The following DMRT1 variants were observed in gnomAD, a reference collection of about 807,000 sequenced individuals.
DMRT1 encodes doublesex- and mab-3-related transcription factor 1.
Under a neutral mutation model 32.3 loss-of-function variants are expected in DMRT1, and 7 were observed. The observed-to-expected ratio is 0.22, with a 90% CI of 0.12 to 0.41. DMRT1 has a LOEUF of 0.41. Ranked by LOEUF, DMRT1 falls within the 10% of genes least tolerant of loss-of-function variation. The pLI, the probability that DMRT1 is intolerant of heterozygous loss-of-function variation, is 1.00. For synonymous variants in DMRT1, 278 were observed against 206.1 expected (o/e 1.35, Z -2.99); for missense variants, 625 against 500.5 (o/e 1.25, Z -2.37).
intron 4 of DMRT1, among the ~76,000 whole-genome samples, chr9:917,667 T>C (rs2370220): frequency 0.76 from 115,984 of 152,136 alleles, 44,579 homozygotes; most frequent in South Asian, 0.91. Context: ...TCTAGAAGAA[T>C]TTACTCTGTG....
At chr9:862,285 C>T (rs982110169) in intron 2 of DMRT1, among the ~76,000 whole-genome samples, 9 of 152,160 alleles carry the variant, frequency 5.9e-5, no homozygotes, top group Admixed American at 2.0e-4. Flanking sequence ...AGACCACTCG[C>T]GGTCAGGAGC....
intron 3 of DMRT1, among the ~76,000 whole-genome samples, chr9:911,880 G>T (rs578245301): frequency 6.6e-6 from 1 of 152,298 alleles, no homozygotes. Context: ...TGAGCAAGTT[G>T]TCACGTGGAT....
chr9:894,568 T>A (rs1817279808), intron 3 of DMRT1: 19 of 315,354 alleles, frequency 6.0e-5, no homozygotes, highest in South Asian at 5.8e-4. Context: ...AGGTACCACC[T>A]CCTCCAGCTT....
At chr9:876,676 C>T (rs560816153) in intron 2 of DMRT1, among the ~76,000 whole-genome samples, 51 of 152,216 alleles carry the variant, frequency 3.4e-4, no homozygotes, top group African/African-American at 1.2e-3. Context: ...GGTCTATAGG[C>T]TCGTGCCACT....
At chr9:876,799 G>A (rs1210841129) in intron 2 of DMRT1, among the ~76,000 whole-genome samples, 3 of 152,164 alleles carry the variant, frequency 2.0e-5, no homozygotes, top group Non-Finnish European at 4.4e-5. Context: ...TTGAAGTGCT[G>A]AGATTACAGG....
chr9:961,603 T>A lies in DMRT1; in HGVS notation c.968-6382T>A, dbSNP rs571780190. 5.6e-4 allele frequency among the ~76,000 whole-genome samples: 85 copies of A among 152,346 alleles called. 1 individual carries two copies. The South Asian group carries it at 0.017, about 31-fold the overall frequency. Reference sequence around the variant, plus strand: ...AAGATTGAAAAAGGCAGAACTGATGTTAACAAAGGCCGTTCAAGTGAGGAA... The same window carrying A: ...AAGATTGAAAAAGGCAGAACTGATGATAACAAAGGCCGTTCAAGTGAGGAA... On this transcript the variant is annotated intron_variant, in intron 4 of 4. Coordinates refer to ENST00000382276, the MANE Select transcript of DMRT1 (RefSeq NM_021951.3).
At chr9:874,272 A>G (rs1341702882) in intron 2 of DMRT1, among the ~76,000 whole-genome samples, 2 of 152,180 alleles carry the variant, frequency 1.3e-5, no homozygotes, top group Non-Finnish European at 2.9e-5. Flanking sequence ...GTTTTGATTC[A>G]TGGATCAGAA....
intron 4 of DMRT1, among the ~76,000 whole-genome samples, chr9:926,461 C>T (rs1482889733): frequency 2.0e-5 from 3 of 152,084 alleles, no homozygotes; most frequent in African/African-American, 7.2e-5. Context: ...ACATATTCTA[C>T]TTGTTATTTT....
intron 3 of DMRT1, among the ~76,000 whole-genome samples, chr9:899,189 A>T (rs879411024): frequency 6.6e-6 from 1 of 152,198 alleles, no homozygotes; most frequent in Non-Finnish European, 1.5e-5. Context: ...AATATTTTAA[A>T]AAAGAAACAA....
intron 2 of DMRT1, among the ~76,000 whole-genome samples, chr9:890,776 G>A (rs766067483): frequency 1.1e-4 from 17 of 152,016 alleles, no homozygotes; most frequent in Non-Finnish European, 1.6e-4. Context: ...GTGCAGTGAC[G>A]CGATCTCTGC....
At chr9:892,237 T>A (rs1817179995) in intron 2 of DMRT1, among the ~76,000 whole-genome samples, 1 of 152,144 alleles carries the variant, frequency 6.6e-6, no homozygotes, top group Non-Finnish European at 1.5e-5. Context: ...TCTGTGACGT[T>A]GTATTCTCTG....
chr9:849,964 C>T (rs2002760), intron 2 of DMRT1, among the ~76,000 whole-genome samples: 104,449 of 151,770 alleles, frequency 0.69, 36,712 homozygotes, highest in Middle Eastern at 0.78. Context: ...GCTGGGATTA[C>T]AAGCATGCGC....
At chr9:847,183 T>C (rs910584893) in intron 2 of DMRT1, 40 bp downstream of exon 2, 1 of 1,602,270 alleles carries the variant, frequency 6.2e-7, no homozygotes, top group Non-Finnish European at 8.5e-7. Flanking sequence ...AGGCTGGGCA[T>C]GAGGGAGGCC....
At chr9:939,269 A>G (rs1412628671) in intron 4 of DMRT1, among the ~76,000 whole-genome samples, 3 of 152,056 alleles carry the variant, frequency 2.0e-5, no homozygotes, top group Non-Finnish European at 2.9e-5. Context: ...GCCACTAAGG[A>G]CCTCCTTTTA....
At chr9:842,230 G>GTTTTTGTTTTTTTTTTTTTTTT (rs1838715373) in intron 1 of DMRT1, 38 bp downstream of exon 1, 1 of 965,718 alleles carries the variant, frequency 1.0e-6, no homozygotes, top group African/African-American at 2.4e-5. Context: ...TTCAGCCTTA[G>GTTTTTGTTTTTTTTTTTTTTTT]TTTTTTTTTT....
intron 3 of DMRT1, among the ~76,000 whole-genome samples, chr9:900,052 C>T (rs1031545474): frequency 1.3e-5 from 2 of 152,326 alleles, no homozygotes; most frequent in African/African-American, 4.8e-5. Flanking sequence ...TTCCAGAGCC[C>T]ACCATGTGCT....
At chr9:964,791 G>A (rs1223368308) in intron 4 of DMRT1, among the ~76,000 whole-genome samples, 1 of 152,146 alleles carries the variant, frequency 6.6e-6, no homozygotes, top group Non-Finnish European at 1.5e-5. Flanking sequence ...CCAGGTCAGA[G>A]GGGCTGAACA....
At chr9:843,508 G>T (rs1248308985) in intron 1 of DMRT1, among the ~76,000 whole-genome samples, 1 of 152,224 alleles carries the variant, frequency 6.6e-6, no homozygotes, top group Admixed American at 6.5e-5. Context: ...GGAAAAAAGC[G>T]CGCCAGGGTT....
At position 968,269 on chromosome 9, in the gene DMRT1, AGAGTT is replaced by A. The variant is rs1267044397; in HGVS notation, c.*131_*135del. 2 of 1,150,904 alleles carry A rather than the reference AGAGTT, an allele frequency of 1.7e-6. No homozygotes were observed. Among genetic ancestry groups the A allele is most frequent in the African/African-American group, 1.5e-5 (1 of 65,116 alleles). 71.3% of individuals were successfully genotyped at this position (1,150,904 alleles called of 1,614,324 possible). ...AGAACGTATTTGGTTTATATTCCTT[AGAGTT>A]TAGTCCAGAGGCTGTAACACATTTG... is the stretch of plus-strand genomic sequence containing the variant. On this transcript the variant is annotated 3_prime_UTR_variant, in exon 5 of 5. Transcript: ENST00000382276.
Sources: gnomAD v4.1 joint callset for allele counts (sites outside exome capture counted in the v4.1 genomes callset) on GRCh38, gnomAD v4.1.1 for gene constraint, MANE v1.5 for transcripts, NCBI Gene and HGNC (gene_info 2026-07-23, HGNC 2026-07-21) for gene names.